POLR2F: variants seen among roughly 807,000 people sequenced by gnomAD.
The protein encoded by POLR2F is RNA polymerase II, I and III subunit F.
POLR2F carries 12 observed loss-of-function variants against 22.7 expected under a neutral mutation model. The observed-to-expected ratio is 0.53, with a 90% confidence interval of 0.34 to 0.86. The LOEUF (loss-of-function observed/expected upper bound fraction) is 0.86, where lower values mean the gene tolerates loss of function less well. POLR2F is among the 40% of genes least tolerant of loss of function. POLR2F has a pLI of 0.02. For synonymous variants in POLR2F, 57 were observed against 66.0 expected, an observed-to-expected ratio of 0.86 and a Z score of 0.66; for missense variants, 126 against 171.5, an observed-to-expected ratio of 0.73 and a Z score of 1.48.
chr22:38,037,992 G>A (rs1051429413), intron 5 of POLR2F, among the ~76,000 whole-genome samples: 18 of 152,016 alleles, frequency 1.2e-4, no homozygotes, highest in Non-Finnish European at 1.9e-4. Flanking sequence ...TCAAGTCAGC[G>A]TGTGGGAAGT....
intron 1 of POLR2F, among the ~76,000 whole-genome samples, chr22:37,998,805 C>T (rs560563869): frequency 6.6e-6 from 1 of 151,674 alleles, no homozygotes; most frequent in East Asian, 1.9e-4. Flanking sequence ...CTGATCGACT[C>T]CCAGAGGAAT....
exon 2 of POLR2F, chr22:38,025,995 C>G (rs751094340): frequency 1.8e-6 from 1 of 570,628 alleles, no homozygotes; most frequent in South Asian, 1.4e-5. Context: ...TCAGAGGGCC[C>G]TGGAATCTTC....
Position 37,969,207 on chromosome 22 carries a change from T to A in POLR2F, c.*1492T>A. 2.0e-6 allele frequency: 2 copies of A among 985,316 alleles called. No homozygotes were observed. Among genetic ancestry groups the A allele is most frequent in the Non-Finnish European group, 2.4e-6 (2 of 829,860 alleles). 61.0% of individuals were successfully genotyped at this position (985,316 alleles called of 1,614,324 possible). A position where few individuals can be genotyped will look rare whatever the true frequency, so the allele number is the denominator to read the frequency against. ...GGAAATGGGACAGAAGGGGTGTTTT[T>A]CCTCCTGTCTTCCTCTTCCCATTCT... On this transcript the variant is annotated 3_prime_UTR_variant, in exon 5 of 5. Coordinates refer to ENST00000442738, the MANE Select transcript of POLR2F (RefSeq NM_021974.5).
At chr22:38,035,766 G>A (rs1035401262) in intron 5 of POLR2F, among the ~76,000 whole-genome samples, 19 of 152,154 alleles carry the variant, frequency 1.2e-4, no homozygotes, top group African/African-American at 3.6e-4. Context: ...TGGCGGGAGC[G>A]GGTGGGAGGT....
upstream of POLR2F, chr22:37,983,754 C>T (rs1378332307): frequency 6.7e-7 from 1 of 1,486,800 alleles, no homozygotes; most frequent in South Asian, 1.2e-5. The surrounding 1 kb of genome is among the most constrained non-coding windows in gnomAD (Gnocchi z 9.5). Context: ...GGGCTCAGCT[C>T]CACCTCCGAT....
At chr22:38,008,571 A>G (rs1255841421) in intron 1 of POLR2F, among the ~76,000 whole-genome samples, 1 of 149,504 alleles carries the variant, frequency 6.7e-6, no homozygotes, top group Non-Finnish European at 1.5e-5. Flanking sequence ...AAACAACAAC[A>G]ACAACAAAAC....
In POLR2F at chr22:37,959,376, T is replaced by G; in HGVS notation, c.121T>G (p.Ser41Ala). Residue 41 changes from serine (S) to alanine (A), a missense_variant, in exon 3 of 5, where the codon TCT (serine) becomes GCT (alanine). Ser to Ala is a moderately conservative substitution (Grantham distance 99). Coordinates refer to ENST00000442738, the MANE Select transcript of POLR2F (RefSeq NM_021974.5). ...EGQENVEILP[S>A]GERPQANQKR... The stretch of plus-strand genomic sequence containing the variant: ...CCAGGAGAATGTCGAGATCCTCCCC[T>G]CTGGGGAGCGACCGCAGGCCAACCA... 5 of 1,613,820 alleles carry G rather than the reference T, an allele frequency of 3.1e-6. No individual in the cohort carries two copies. The South Asian group carries it at 5.5e-5, about 18-fold the overall frequency.
At chr22:37,999,677 G>T (rs2084751262) in intron 1 of POLR2F, among the ~76,000 whole-genome samples, 1 of 152,136 alleles carries the variant, frequency 6.6e-6, no homozygotes, top group South Asian at 2.1e-4. Flanking sequence ...GAGGATGAGG[G>T]CTTTGGGGCA....
chr22:38,020,206 T>TACACACACACACACAC, intron 1 of POLR2F, among the ~76,000 whole-genome samples: 1 of 144,806 alleles, frequency 6.9e-6, no homozygotes, highest in African/African-American at 2.6e-5. Context: ...CACACATATA[T>TACACACACACACACAC]ACACACACAC....
intron 1 of POLR2F, among the ~76,000 whole-genome samples, chr22:38,010,787 T>A (rs2084865456): frequency 6.6e-6 from 1 of 151,800 alleles, no homozygotes; most frequent in South Asian, 2.1e-4. Flanking sequence ...CAGCTAATTT[T>A]TGTATTTTTA....
At chr22:37,976,824 C>A (rs1932234710) in intron 4 of POLR2F, among the ~76,000 whole-genome samples, 1 of 152,134 alleles carries the variant, frequency 6.6e-6, no homozygotes, top group Non-Finnish European at 1.5e-5. Flanking sequence ...CTGTTATTAT[C>A]ATTAATGAAA....
Position 37,986,495 on chromosome 22 carries a change from C to G in POLR2F, c.120+183C>G, listed in dbSNP as rs1214185237. Reference sequence around the variant, plus strand: ...TCCCACAGCTGCCCCCTCTCTAACTCCCTGCTTCCTCCTTTGCCCTCCTTG... The same window carrying G: ...TCCCACAGCTGCCCCCTCTCTAACTGCCTGCTTCCTCCTTTGCCCTCCTTG... On this transcript the variant is annotated intron_variant, in intron 1 of 2. Coordinates refer to the POLR2F transcript ENST00000333418. This position sits in a 1 kb window ranked among gnomAD's most constrained non-coding sequence, Gnocchi z 4.7. 1 of 1,360,414 alleles carries G rather than the reference C, an allele frequency of 7.4e-7. No homozygotes were observed. The highest frequency in any genetic ancestry group is 1.0e-6 in the Non-Finnish European group (1 of 987,424). The allele number at this position is 1,360,414 out of a possible 1,614,324, so 84.3% of individuals were successfully genotyped here.
intron 1 of POLR2F, among the ~76,000 whole-genome samples, chr22:37,993,812 AC>A (rs1207984885): frequency 6.6e-6 from 1 of 152,040 alleles, no homozygotes; most frequent in African/African-American, 2.4e-5. Flanking sequence ...ACATGATGAA[AC>A]CCCGTCTCTA....
intron 4 of POLR2F, among the ~76,000 whole-genome samples, chr22:37,979,199 G>C (rs924700663): frequency 3.3e-5 from 5 of 152,118 alleles, no homozygotes; most frequent in African/African-American, 1.2e-4. Flanking sequence ...CTGAGTTCAA[G>C]CGATTCTCCT....
downstream of POLR2F, among the ~76,000 whole-genome samples, chr22:38,026,870 C>G (rs1485428002): frequency 6.6e-6 from 1 of 152,024 alleles, no homozygotes; most frequent in South Asian, 2.1e-4. Flanking sequence ...CAGCCTCCCC[C>G]AGTCTCCTAC....
chr22:38,010,721 A>G (rs1345743598), intron 1 of POLR2F, among the ~76,000 whole-genome samples: 1 of 149,708 alleles, frequency 6.7e-6, no homozygotes, highest in African/African-American at 2.5e-5. Context: ...GGTTCAAGCA[A>G]TTCTCCTGCC....
chr22:37,975,613 G>A (rs755092513), intron 4 of POLR2F, among the ~76,000 whole-genome samples: 57 of 152,190 alleles, frequency 3.7e-4, no homozygotes, highest in Admixed American at 7.9e-4. Context: ...GGACAGGCCT[G>A]TGCCTCCTTC....
intron 1 of POLR2F, among the ~76,000 whole-genome samples, chr22:38,024,624 G>C (rs1051065449): frequency 2.0e-5 from 3 of 152,182 alleles, no homozygotes; most frequent in Non-Finnish European, 4.4e-5. Flanking sequence ...ACTTGGTGCT[G>C]ACTGAGAATG....
chr22:38,031,630 G>T (rs139203582), downstream of POLR2F, among the ~76,000 whole-genome samples: 3 of 152,124 alleles, frequency 2.0e-5, no homozygotes, highest in Non-Finnish European at 4.4e-5. The surrounding 1 kb of genome is among the most constrained non-coding windows in gnomAD (Gnocchi z 4.1). Context: ...CAGGTGTCCC[G>T]GCTGAGTGGC....
Sources: allele counts gnomAD v4.1 joint callset (sites outside exome capture counted in the v4.1 genomes callset), GRCh38; gene constraint gnomAD v4.1.1; non-coding constraint Gnocchi (gnomAD v3.1); transcripts MANE v1.5; gene names NCBI Gene and HGNC (gene_info 2026-07-23, HGNC 2026-07-21).